Variants in CACNB2 observed in about 807,000 individuals in gnomAD.
CACNB2 encodes the protein calcium voltage-gated channel auxiliary subunit beta 2.
In CACNB2, 42 loss-of-function variants were observed where a neutral mutation model predicts 73.3. That is an observed-to-expected ratio of 0.57 (90% CI 0.45 to 0.74). The LOEUF is 0.74. Ranked by LOEUF, CACNB2 falls within the 30% of genes least tolerant of loss-of-function variation. The pLI, the probability that CACNB2 is intolerant of heterozygous loss-of-function variation, is 0.00. For missense variants in CACNB2, 940 were observed against 853.0 expected (o/e 1.10, Z -1.27); for synonymous variants, 348 against 310.3 (o/e 1.12, Z -1.28).
At chr10:18,369,088 A>G (rs2042470954) in intron 2 of CACNB2, among the ~76,000 whole-genome samples, 1 of 152,208 alleles carries the variant, frequency 6.6e-6, no homozygotes, top group Admixed American at 6.5e-5. Context: ...AAACCAGATC[A>G]GAGTATTAGG....
At chr10:18,164,938 A>G (rs531470560) in intron 2 of CACNB2, among the ~76,000 whole-genome samples, 2 of 152,274 alleles carry the variant, frequency 1.3e-5, no homozygotes, top group South Asian at 4.1e-4. Context: ...TCATTCATTT[A>G]TTCATTCATT....
Position 18,481,372 on chromosome 10 carries a change from G to GAGT in CACNB2, c.334-16980_334-16978dup, listed in dbSNP as rs1463959530. 2.7e-5 allele frequency among the ~76,000 whole-genome samples: 4 copies of GAGT among 146,420 alleles called. No individual in the cohort carries two copies. In the East Asian group the frequency reaches 6.2e-4, roughly 23 times the overall value. ...AGTGATTCTTTTGCCTTAGCCTTCC[G>GAGT]AGTAGCTGGGACTACAGGTGTGCAC... On this transcript the variant is annotated intron_variant, in intron 3 of 13. Coordinates refer to ENST00000324631, the MANE Select transcript of CACNB2 (RefSeq NM_201596.3).
chr10:18,489,193 TG>T (rs2049259572), intron 3 of CACNB2, among the ~76,000 whole-genome samples: 1 of 151,822 alleles, frequency 6.6e-6, no homozygotes, highest in African/African-American at 2.4e-5. Context: ...CACTCCAGCC[TG>T]GGTGACAGAG....
chr10:18,462,688 T>G (rs968155345), intron 3 of CACNB2, among the ~76,000 whole-genome samples: 8 of 152,324 alleles, frequency 5.3e-5, no homozygotes, highest in Non-Finnish European at 1.0e-4. Flanking sequence ...CTTTTTACTG[T>G]TAAAAAGTGA....
chr10:18,504,305 C>G (rs2050369467), intron 5 of CACNB2, among the ~76,000 whole-genome samples: 1 of 152,220 alleles, frequency 6.6e-6, no homozygotes, highest in African/African-American at 2.4e-5. Context: ...AGCCTGACCT[C>G]CACGCTGTAC....
chr10:18,220,215 A>ATATG (rs2035704343), intron 2 of CACNB2, among the ~76,000 whole-genome samples: 1 of 53,762 alleles, frequency 1.9e-5, no homozygotes, highest in Non-Finnish European at 3.2e-5. Context: ...ATATATATAT[A>ATATG]TATATATATA....
intron 2 of CACNB2, among the ~76,000 whole-genome samples, chr10:18,162,639 A>G (rs1020569755): frequency 6.6e-6 from 1 of 152,208 alleles, no homozygotes; most frequent in Non-Finnish European, 1.5e-5. Flanking sequence ...TTCCCAGTGG[A>G]TTCTCTATGA....
intron 2 of CACNB2, among the ~76,000 whole-genome samples, chr10:18,198,117 CAT>C (rs1174470425): frequency 6.8e-6 from 1 of 147,178 alleles, no homozygotes; most frequent in Middle Eastern, 3.6e-3. Flanking sequence ...ATTCATATGA[CAT>C]ATATGTAATA....
intron 2 of CACNB2, among the ~76,000 whole-genome samples, chr10:18,232,962 C>A (rs76761898): frequency 9.9e-5 from 15 of 152,010 alleles, no homozygotes; most frequent in Non-Finnish European, 2.9e-5. Context: ...TGGCACACAC[C>A]TGTAATCCCA....
intron 2 of CACNB2, among the ~76,000 whole-genome samples, chr10:18,349,928 TTATATC>T (rs1444998512): frequency 6.6e-6 from 1 of 152,158 alleles, no homozygotes; most frequent in Admixed American, 6.5e-5. Context: ...GCCAAATGCT[TTATATC>T]TATTATTATT....
chr10:18,442,974 A>G lies in CACNB2; in HGVS notation c.333+40931A>G, dbSNP rs1184886699. On this transcript the variant is annotated intron_variant, in intron 3 of 13. Coordinates refer to ENST00000324631, the MANE Select transcript of CACNB2 (RefSeq NM_201596.3). ...TATATATATGTATATATATATGTGT[A>G]TATATATATATGTATATATATATGT... Among the ~76,000 whole-genome samples, 51 of 19,736 alleles carry G rather than the reference A, an allele frequency of 2.6e-3. 11 individuals are homozygous for G. The highest frequency in any genetic ancestry group is 7.1e-3 in the Admixed American group (13 of 1,838). 12.9% of individuals were successfully genotyped at this position (19,736 alleles called of 152,430 possible).
chr10:18,535,372 ACATTGCAGCAGGTT>A (rs1173811548), intron 11 of CACNB2, among the ~76,000 whole-genome samples: 1 of 152,194 alleles, frequency 6.6e-6, no homozygotes, highest in Admixed American at 6.5e-5. Context: ...CCAAAACATG[ACATTGCAGCAGGTT>A]GACTGTAGAA....
At chr10:18,400,512 G>A in intron 2 of CACNB2, 2 of 905,082 alleles carry the variant, frequency 2.2e-6, no homozygotes, top group Non-Finnish European at 2.7e-6. Context: ...GTAAAAAGGC[G>A]ACATATGGAG....
At chr10:18,153,567 T>C (rs944189293) in intron 2 of CACNB2, among the ~76,000 whole-genome samples, 6 of 146,456 alleles carry the variant, frequency 4.1e-5, no homozygotes, top group Admixed American at 6.9e-5. Flanking sequence ...ATTTTACTTA[T>C]TTATTTATTT....
At chr10:18,322,111 G>A (rs561897704) in intron 2 of CACNB2, among the ~76,000 whole-genome samples, 29 of 152,158 alleles carry the variant, frequency 1.9e-4, no homozygotes, top group African/African-American at 5.5e-4. Flanking sequence ...AGCTATGATC[G>A]TACCACTCCA....
intron 2 of CACNB2, among the ~76,000 whole-genome samples, chr10:18,302,963 A>C (rs1222246658): frequency 6.6e-6 from 1 of 152,202 alleles, no homozygotes; most frequent in African/African-American, 2.4e-5. Context: ...CAGAGATCGC[A>C]TCTCTCTTCA....
At chr10:18,451,889 G>A (rs998598724) in intron 3 of CACNB2, among the ~76,000 whole-genome samples, 3 of 152,172 alleles carry the variant, frequency 2.0e-5, no homozygotes, top group Non-Finnish European at 4.4e-5. Flanking sequence ...CTCTATTTAT[G>A]ATGCTGTTAT....
Position 18,498,402 on chromosome 10 carries a change from G to T in CACNB2, c.381G>T (p.Ala127=), listed in dbSNP as rs371985646. 2 of 1,613,908 alleles carry T rather than the reference G, an allele frequency of 1.2e-6. No homozygotes were observed. Among genetic ancestry groups the T allele is most frequent in the East Asian group, 2.2e-5 (1 of 44,874 alleles). ...TTCGGACAAATGTCAGCTACAGTGC[G>T]GCCCATGAAGATGATGTTCCAGTGC... The part of the protein sequence containing the change: ...FAVRTNVSYS[A]AHEDDVPVPG... The change falls in exon 4 of 14, where the codon GCG becomes GCT. Residue 127 remains alanine (A), a synonymous_variant. Transcript: ENST00000324631.
In CACNB2 at chr10:18,383,645, T is replaced by C. The variant is rs577372743; in HGVS notation, c.214-18279T>C. Among the ~76,000 whole-genome samples, 7 of 152,276 alleles carry C rather than the reference T, an allele frequency of 4.6e-5. No homozygotes were observed. In the East Asian group the frequency reaches 9.7e-4, roughly 21 times the overall value. On this transcript the variant is annotated intron_variant, in intron 2 of 13. Coordinates refer to ENST00000324631, the MANE Select transcript of CACNB2 (RefSeq NM_201596.3). ...ATAAATAAATACATAAGTATGTAGA[T>C]GGTGCACCAGAAGGTTGGGGAGATA...
Sources: gnomAD v4.1 joint callset for allele counts (sites outside exome capture counted in the v4.1 genomes callset) on GRCh38, gnomAD v4.1.1 for gene constraint, MANE v1.5 for transcripts, NCBI Gene and HGNC (gene_info 2026-07-23, HGNC 2026-07-21) for gene names.